Variants in PACRG observed in about 807,000 individuals in gnomAD.
PACRG encodes parkin coregulated gene protein.
In PACRG, 29 loss-of-function variants were observed where a neutral mutation model predicts 29.7. That is an observed-to-expected ratio of 0.98 (90% confidence interval 0.73 to 1.33). The LOEUF (loss-of-function observed/expected upper bound fraction) is 1.33, where lower values mean the gene tolerates loss of function less well. PACRG is among the 40% of genes most tolerant of loss of function. The probability of loss-of-function intolerance (pLI) is 0.00; values close to 1 mark genes in which losing one functional copy is unlikely to be tolerated. For missense variants in PACRG, 279 were observed against 316.2 expected (o/e 0.88, Z 0.89); for synonymous variants, 116 against 118.7 (o/e 0.98, Z 0.15).
chr6:162,866,238 CTTTTG>C (rs1792286984), intron 2 of PACRG, among the ~76,000 whole-genome samples: 1 of 152,140 alleles, frequency 6.6e-6, no homozygotes. Context: ...AGAGGTGATA[CTTTTG>C]GTGAGAGAAA....
rs1190146053 is a variant in PACRG at position 162,747,325 on chromosome 6, CATATATATATATATATAT to C, written c.156+18956_156+18973del. ...GGAACTCAGACTGGCTCTCCTTGCT[CATATATATATATATATAT>C]ATATATATATATATATATATACACA... On this transcript the variant is annotated intron_variant, in intron 1 of 4. Transcript: ENST00000366888. 1.3e-3 allele frequency among the ~76,000 whole-genome samples: 44 copies of C among 33,238 alleles called. 5 individuals are homozygous for C. The highest frequency in any genetic ancestry group is 4.7e-3 in the Admixed American group (9 of 1,924). The allele number at this position is 33,238 out of a possible 152,430, so 21.8% of individuals were successfully genotyped here.
intron 3 of PACRG, among the ~76,000 whole-genome samples, chr6:163,067,557 A>G (rs1268328564): frequency 2.6e-5 from 4 of 152,228 alleles, no homozygotes; most frequent in Non-Finnish European, 5.9e-5. Flanking sequence ...CAGTAAGGCA[A>G]TCTTTTTTTA....
chr6:162,829,055 C>T (rs1359803103), intron 2 of PACRG, among the ~76,000 whole-genome samples: 2 of 152,164 alleles, frequency 1.3e-5, no homozygotes, highest in African/African-American at 4.8e-5. Context: ...GTACTTTTCA[C>T]ATTTCAAAAA....
At chr6:163,006,991 G>A (rs960354754) in intron 2 of PACRG, among the ~76,000 whole-genome samples, 1 of 151,248 alleles carries the variant, frequency 6.6e-6, no homozygotes, top group Non-Finnish European at 1.5e-5. Context: ...ATGTGTCCTG[G>A]TTCCATGTTT....
At chr6:163,124,014 G>C (rs907263050) in intron 4 of PACRG, among the ~76,000 whole-genome samples, 7 of 152,278 alleles carry the variant, frequency 4.6e-5, no homozygotes, top group African/African-American at 1.7e-4. Flanking sequence ...CAGTAAGATT[G>C]CCTGCTTATA....
intron 2 of PACRG, among the ~76,000 whole-genome samples, chr6:162,947,253 T>A: frequency 7.0e-6 from 1 of 143,434 alleles, no homozygotes; most frequent in South Asian, 2.1e-4. Flanking sequence ...TAAACATATA[T>A]CATATATAAT....
chr6:162,972,526 C>G (rs187677040), intron 2 of PACRG, among the ~76,000 whole-genome samples: 73 of 152,256 alleles, frequency 4.8e-4, no homozygotes, highest in African/African-American at 1.6e-3. Flanking sequence ...CCACATTGAC[C>G]GAGCTTCATC....
chr6:163,153,019 G>A (rs945858079), intron 4 of PACRG, among the ~76,000 whole-genome samples: 1 of 152,102 alleles, frequency 6.6e-6, no homozygotes, highest in African/African-American at 2.4e-5. Flanking sequence ...CTCTTGATGA[G>A]ATCATTAAAG....
intron 4 of PACRG, among the ~76,000 whole-genome samples, chr6:163,290,515 G>T (rs983341161): frequency 6.6e-6 from 1 of 152,154 alleles, no homozygotes; most frequent in Non-Finnish European, 1.5e-5. Context: ...TGAGCGCCCC[G>T]CAGCCTGCCC....
At chr6:163,089,696 C>A (rs1813919641) in intron 4 of PACRG, among the ~76,000 whole-genome samples, 1 of 152,000 alleles carries the variant, frequency 6.6e-6, no homozygotes, top group African/African-American at 2.4e-5. Flanking sequence ...TTTTAATGGT[C>A]TTTTGAATAC....
intron 2 of PACRG, among the ~76,000 whole-genome samples, chr6:162,909,598 T>A (rs1417595709): frequency 6.6e-6 from 1 of 151,910 alleles, no homozygotes; most frequent in Non-Finnish European, 1.5e-5. Context: ...CATTTCTTTC[T>A]TGAAATTTCC....
At chr6:162,766,415 G>A (rs114088847) in intron 1 of PACRG, among the ~76,000 whole-genome samples, 2,273 of 151,496 alleles carry the variant, frequency 0.015, 67 homozygotes, top group African/African-American at 0.053. Flanking sequence ...AAATGGAATA[G>A]CATTCCATTG....
At chr6:163,080,296 T>C (rs911979245) in intron 3 of PACRG, among the ~76,000 whole-genome samples, 2 of 152,156 alleles carry the variant, frequency 1.3e-5, no homozygotes, top group African/African-American at 4.8e-5. Context: ...TTTTCAGTTT[T>C]CACCCCAATC....
intron 2 of PACRG, among the ~76,000 whole-genome samples, chr6:162,899,711 A>G (rs1193118755): frequency 1.3e-5 from 2 of 152,202 alleles, no homozygotes; most frequent in Non-Finnish European, 2.9e-5. Flanking sequence ...CCTGAGCTAC[A>G]GGAGTCACTT....
At chr6:163,109,218 T>C (rs572139441) in intron 4 of PACRG, among the ~76,000 whole-genome samples, 1 of 152,360 alleles carries the variant, frequency 6.6e-6, no homozygotes, top group Non-Finnish European at 1.5e-5. Flanking sequence ...GTGTACTCTT[T>C]CAATAATTTA....
At chr6:162,885,087 C>T (rs1208788297) in intron 2 of PACRG, among the ~76,000 whole-genome samples, 3 of 152,116 alleles carry the variant, frequency 2.0e-5, no homozygotes, top group African/African-American at 7.2e-5. Flanking sequence ...GTCATAATAC[C>T]ATAATTTTCT....
At chr6:163,162,301 T>C (rs1183501434) in intron 4 of PACRG, among the ~76,000 whole-genome samples, 1 of 152,230 alleles carries the variant, frequency 6.6e-6, no homozygotes, top group Non-Finnish European at 1.5e-5. Flanking sequence ...ATTATCAACG[T>C]GGCTAGTAAA....
At chr6:162,914,508 G>GTTTTTTTTTTTTTTTT (rs3028611) in intron 2 of PACRG, among the ~76,000 whole-genome samples, 6 of 95,098 alleles carry the variant, frequency 6.3e-5, no homozygotes, top group African/African-American at 7.5e-5. Context: ...GTACTTTTTT[G>GTTTTTTTTTTTTTTTT]TTTTTTTTTT....
At chr6:163,113,614 A>G (rs1364067819) in intron 4 of PACRG, among the ~76,000 whole-genome samples, 1 of 152,038 alleles carries the variant, frequency 6.6e-6, no homozygotes, top group African/African-American at 2.4e-5. Context: ...AAAACAAAAC[A>G]AACAAACAAA....
Sources: allele counts gnomAD v4.1 joint callset (sites outside exome capture counted in the v4.1 genomes callset), GRCh38; gene constraint gnomAD v4.1.1; transcripts MANE v1.5; gene names NCBI Gene and HGNC (gene_info 2026-07-23, HGNC 2026-07-21).